LCP2: variants seen among roughly 807,000 people sequenced by gnomAD.
LCP2 encodes the protein 76 kDa tyrosine phosphoprotein.
In LCP2, 29 loss-of-function variants were observed where a neutral mutation model predicts 74.5. That is an observed-to-expected ratio of 0.39 (90% confidence interval 0.29 to 0.53). The LOEUF (loss-of-function observed/expected upper bound fraction) is 0.53. Among genes scored for constraint, LCP2 ranks in the 20% least tolerant of loss-of-function variants. LCP2 has a pLI of 0.72. For synonymous variants in LCP2, 228 were observed against 229.5 expected, an observed-to-expected ratio of 0.99 and a Z score of 0.06; for missense variants, 604 against 634.6, an observed-to-expected ratio of 0.95 and a Z score of 0.52.
intron 8 of LCP2, 148 bp from the exon 9 acceptor site, chr5:170,267,223 G>A: frequency 1.3e-6 from 1 of 753,990 alleles, no homozygotes; most frequent in South Asian, 1.7e-5. Context: ...AACTACCGCA[G>A]TAGCCTCCTA....
intron 7 of LCP2, 142 bp downstream of exon 7, chr5:170,270,577 C>G: frequency 1.5e-6 from 1 of 650,790 alleles, no homozygotes. Flanking sequence ...TACAAAGCCA[C>G]ATAGCTGTTA....
At position 170,275,784 on chromosome 5, in the gene LCP2, G is replaced by A. The variant is rs1222888353; in HGVS notation, c.254+11C>T. 3.8e-6 allele frequency: 6 copies of A among 1,573,180 alleles called. No individual in the cohort carries two copies. In the South Asian group the frequency reaches 5.8e-5, roughly 15 times the overall value. On this transcript the variant is annotated intron_variant, in intron 4 of 20. Transcript: ENST00000046794. ...AAAAATCTTGCGTTTCCTTACACCA[G>A]CCGCACTCACTTGCGTGTGAAGATG...
Position 170,263,001 on chromosome 5 carries a change from G to C in LCP2, c.773-9C>G, listed in dbSNP as rs1396078529. 1 of 1,613,606 alleles carries C rather than the reference G, an allele frequency of 6.2e-7. No individual in the cohort carries two copies. The highest frequency in any genetic ancestry group is 1.3e-5 in the African/African-American group (1 of 74,926). On this transcript the variant is annotated splice_polypyrimidine_tract_variant and intron_variant, in intron 10 of 20. Coordinates refer to ENST00000046794, the MANE Select transcript of LCP2 (RefSeq NM_005565.5). ...AAATGGTGGTTTCTTTCCTGTAAATGACAGAGAGCAGATGGGCCATGAGTT... is the reference window on the plus strand; with the variant it reads ...AAATGGTGGTTTCTTTCCTGTAAATCACAGAGAGCAGATGGGCCATGAGTT...
intron 2 of LCP2, among the ~76,000 whole-genome samples, chr5:170,288,741 T>C (rs114449001): frequency 0.013 from 1,943 of 152,272 alleles, 39 homozygotes; most frequent in African/African-American, 0.045. Flanking sequence ...GGGGATGAGC[T>C]GGGGCTGGAA....
intron 7 of LCP2, among the ~76,000 whole-genome samples, chr5:170,268,686 C>T (rs780374647): frequency 6.6e-6 from 1 of 151,898 alleles, no homozygotes; most frequent in South Asian, 2.1e-4. Flanking sequence ...GTGTCACTCT[C>T]CTTATACACA....
chr5:170,270,754 G>A lies in LCP2; in HGVS notation c.488C>T (p.Ala163Val). 1 of 1,593,284 alleles carries A rather than the reference G, an allele frequency of 6.3e-7. No homozygotes were observed. Among genetic ancestry groups the A allele is most frequent in the East Asian group, 2.3e-5 (1 of 43,094 alleles). Residue 163 changes from alanine (A) to valine (V), a missense_variant, in exon 7 of 21, where the codon GCC (alanine) becomes GTC (valine). Transcript: ENST00000046794. ...GGAGTTGGAGTTGGGGAAAGGCTTGGCAGGCAGGATGGAGTTCTGCAGAGC... is the reference window on the plus strand; with the variant it reads ...GGAGTTGGAGTTGGGGAAAGGCTTGACAGGCAGGATGGAGTTCTGCAGAGC... ...EEALQNSILP[A>V]KPFPNSNSMY... is the part of the protein sequence containing the mutation.
intron 3 of LCP2, among the ~76,000 whole-genome samples, chr5:170,283,667 A>G (rs1762139054): frequency 6.6e-6 from 1 of 152,014 alleles, no homozygotes; most frequent in South Asian, 2.1e-4. Flanking sequence ...GGCTCACGGG[A>G]CCTTTATAAA....
chr5:170,250,653 C>G (rs1264773589), intron 20 of LCP2, 77 bp downstream of exon 20: 1 of 1,174,516 alleles, frequency 8.5e-7, no homozygotes, highest in East Asian at 2.3e-5. Context: ...CACGGACTCT[C>G]AAAGATCGCT....
At chr5:170,266,970 G>C in intron 9 of LCP2, 39 bp downstream of exon 9, 2 of 1,612,152 alleles carry the variant, frequency 1.2e-6, no homozygotes, top group East Asian at 4.5e-5. Flanking sequence ...GGGAGTGCCT[G>C]GTGGGAACAG....
intron 2 of LCP2, among the ~76,000 whole-genome samples, chr5:170,288,696 G>A (rs956643788): frequency 3.3e-5 from 5 of 152,186 alleles, no homozygotes; most frequent in African/African-American, 7.2e-5. Context: ...AGAGAAAGCC[G>A]AGGCTCAGGG....
rs1315751541 is a variant in LCP2, at chr5:170,247,779, A to C, written c.*918T>G. 1 of 152,226 alleles carries C rather than the reference A, an allele frequency of 6.6e-6. No individual in the cohort carries two copies. The highest frequency in any genetic ancestry group is 1.5e-5 in the Non-Finnish European group (1 of 68,060). The allele number at this position is 152,226 out of a possible 1,614,324, so 9.4% of individuals were successfully genotyped here. Reference sequence around the variant, plus strand: ...TAATAGGAAAGTCTGATCACATTTAATCTAAAGTGTTGCTCCCTCGTCTTC... The same window carrying C: ...TAATAGGAAAGTCTGATCACATTTACTCTAAAGTGTTGCTCCCTCGTCTTC... On this transcript the variant is annotated 3_prime_UTR_variant, in exon 21 of 21. Transcript: ENST00000046794.
intron 14 of LCP2, among the ~76,000 whole-genome samples, chr5:170,259,618 T>G (rs1761618315): frequency 6.6e-6 from 1 of 152,238 alleles, no homozygotes; most frequent in Non-Finnish European, 1.5e-5. Flanking sequence ...TGAAACAGCA[T>G]CTTTCTCAAA....
At chr5:170,248,853 T>C (rs1761360032) in intron 20 of LCP2, 34 bp from the exon 21 acceptor site, 1 of 1,606,474 alleles carries the variant, frequency 6.2e-7, no homozygotes, top group Non-Finnish European at 8.5e-7. Context: ...TGAGTCAACA[T>C]TGGAATGAAA....
chr5:170,269,394 G>A (rs1761850943), intron 7 of LCP2, among the ~76,000 whole-genome samples: 1 of 152,176 alleles, frequency 6.6e-6, no homozygotes, highest in Non-Finnish European at 1.5e-5. Context: ...CCTTGGGGAG[G>A]TGCAGCTCTT....
chr5:170,256,646 G>T lies in LCP2; in HGVS notation c.1101-71C>A. On this transcript the variant is annotated intron_variant, in intron 16 of 20. Transcript: ENST00000046794. This position sits in a 1 kb window ranked among gnomAD's most constrained non-coding sequence, Gnocchi z 4.5. ...GGGGCCAGACAGGGGAGCTGGGTTA[G>T]GGAAGCCAGGCTGCAAATGCTTCTT... The T allele has an allele frequency of 9.2e-7, 1 of 1,086,774 alleles. No homozygotes were observed. Among genetic ancestry groups the T allele is most frequent in the South Asian group, 1.3e-5 (1 of 79,898 alleles). 67.3% of individuals were successfully genotyped at this position (1,086,774 alleles called of 1,614,324 possible).
At chr5:170,253,591 T>G (rs1039466514) in intron 17 of LCP2, among the ~76,000 whole-genome samples, 2 of 152,192 alleles carry the variant, frequency 1.3e-5, no homozygotes, top group Admixed American at 6.5e-5. Context: ...TCTTATAATA[T>G]CATCATAGGC....
intron 8 of LCP2, among the ~76,000 whole-genome samples, chr5:170,267,794 TTAAA>T (rs1761795838): frequency 6.6e-6 from 1 of 152,120 alleles, no homozygotes; most frequent in African/African-American, 2.4e-5. Flanking sequence ...TATTTGCTGA[TTAAA>T]TAAGTGAATC....
intron 13 of LCP2, 31 bp downstream of exon 13, chr5:170,262,604 G>T: frequency 6.5e-7 from 1 of 1,538,974 alleles, no homozygotes; most frequent in Non-Finnish European, 8.9e-7. Flanking sequence ...GCCACTGTGA[G>T]TGACAAGCTC....
intron 11 of LCP2, 35 bp from the exon 12 acceptor site, chr5:170,262,896 A>C: frequency 1.2e-6 from 2 of 1,614,088 alleles, no homozygotes; most frequent in South Asian, 1.1e-5. Context: ...TGAGTGTCCA[A>C]GCACTTTTCA....
Sources: allele counts gnomAD v4.1 joint callset (sites outside exome capture counted in the v4.1 genomes callset), GRCh38; gene constraint gnomAD v4.1.1; non-coding constraint Gnocchi (gnomAD v3.1); transcripts MANE v1.5; gene names NCBI Gene and HGNC (gene_info 2026-07-23, HGNC 2026-07-21).